CMIP: variants seen among roughly 807,000 people sequenced by gnomAD.
CMIP encodes the protein C-Maf-inducing protein.
A neutral mutation model predicts 97.3 loss-of-function variants in CMIP; 13 were observed. The ratio of observed to expected loss-of-function variants is 0.13; its 90% CI spans 0.09 to 0.21. The LOEUF is 0.21. Among genes scored for constraint, CMIP ranks in the 10% least tolerant of loss-of-function variants. The pLI is 1.00. For missense variants in CMIP, 847 were observed against 1,024.9 expected (o/e 0.83, Z 2.37); for synonymous variants, 538 against 436.3 (o/e 1.23, Z -2.91).
At chr16:81,664,742 A>G (rs1005406663) in intron 7 of CMIP, 1 of 391,228 alleles carries the variant, frequency 2.6e-6, no homozygotes, top group Non-Finnish European at 4.5e-6. Context: ...AGGGGGCAGG[A>G]GTAGCCTTGC....
chr16:81,471,133 A>G (rs145023304), intron 1 of CMIP, among the ~76,000 whole-genome samples: 1 of 152,364 alleles, frequency 6.6e-6, no homozygotes, highest in Non-Finnish European at 1.5e-5. Context: ...ATATACACAT[A>G]TACATGCATA....
At chr16:81,502,916 T>C (rs751300631) in intron 1 of CMIP, among the ~76,000 whole-genome samples, 51 of 152,296 alleles carry the variant, frequency 3.3e-4, no homozygotes, top group Admixed American at 9.1e-4. Context: ...CAATGCCGGG[T>C]AATCACTTTG....
chr16:81,697,636 A>T (rs917034951), intron 14 of CMIP: 1 of 152,164 alleles, frequency 6.6e-6, no homozygotes, highest in African/African-American at 2.4e-5. Flanking sequence ...GCAACAGTAG[A>T]TGCACGGCGC....
chr16:81,617,724 A>G (rs1052743291), intron 2 of CMIP, among the ~76,000 whole-genome samples: 1 of 152,134 alleles, frequency 6.6e-6, no homozygotes, highest in African/African-American at 2.4e-5. Context: ...GGCACTGCTC[A>G]CCTAGCTGTG....
intron 3 of CMIP, among the ~76,000 whole-genome samples, chr16:81,641,902 A>C (rs1366615332): frequency 6.6e-6 from 1 of 152,224 alleles, no homozygotes; most frequent in Non-Finnish European, 1.5e-5. Flanking sequence ...GGTGCTCAGG[A>C]TCCAGAGCTA....
At chr16:81,573,809 G>C (rs2091139542) in intron 1 of CMIP, among the ~76,000 whole-genome samples, 1 of 152,226 alleles carries the variant, frequency 6.6e-6, no homozygotes, top group African/African-American at 2.4e-5. Flanking sequence ...AGTTAAGTGA[G>C]TTAATGTGCT....
intron 1 of CMIP, among the ~76,000 whole-genome samples, chr16:81,598,661 C>T (rs1227629457): frequency 1.3e-5 from 2 of 152,132 alleles, no homozygotes; most frequent in East Asian, 3.9e-4. Context: ...TTTCACAGGC[C>T]ACAACAGAAG....
chr16:81,599,748 G>T (rs541039094), intron 1 of CMIP, among the ~76,000 whole-genome samples: 2 of 152,182 alleles, frequency 1.3e-5, no homozygotes, highest in South Asian at 4.1e-4. Context: ...GACATCCCCT[G>T]CTCTGTGCCT....
At chr16:81,637,018 G>A (rs2092245849) in intron 3 of CMIP, among the ~76,000 whole-genome samples, 1 of 152,088 alleles carries the variant, frequency 6.6e-6, no homozygotes, top group African/African-American at 2.4e-5. Context: ...GCACTGTGGG[G>A]GCCACAGTGT....
At chr16:81,675,145 C>T (rs1904288278) in intron 9 of CMIP, among the ~76,000 whole-genome samples, 1 of 152,098 alleles carries the variant, frequency 6.6e-6, no homozygotes, top group South Asian at 2.1e-4. Flanking sequence ...GGGAGAGAAC[C>T]ACATGGAAAG....
chr16:81,625,297 C>G (rs1008952028), intron 3 of CMIP, among the ~76,000 whole-genome samples: 6 of 152,282 alleles, frequency 3.9e-5, no homozygotes, highest in African/African-American at 1.4e-4. Flanking sequence ...CTGAGGGCCC[C>G]TGGGGAGGCC....
chr16:81,611,345 C>T (rs536350925), intron 2 of CMIP: 1 of 152,326 alleles, frequency 6.6e-6, no homozygotes, highest in African/African-American at 2.4e-5. Context: ...GCTCTTCGAT[C>T]TTGCAGTCTG....
At chr16:81,471,290 A>G (rs1181201721) in intron 1 of CMIP, among the ~76,000 whole-genome samples, 1 of 152,254 alleles carries the variant, frequency 6.6e-6, no homozygotes, top group Non-Finnish European at 1.5e-5. Flanking sequence ...CACAGGCACA[A>G]TATATGCATA....
chr16:81,709,552 G>A (rs910377438), intron 20 of CMIP, among the ~76,000 whole-genome samples, 194 bp from the exon 21 acceptor site: 27 of 152,202 alleles, frequency 1.8e-4, no homozygotes, highest in African/African-American at 6.3e-4. Context: ...TTTCTCCGGG[G>A]CCAGGGCACA....
At chr16:81,691,581 C>T (rs1906081507) in intron 10 of CMIP, 194 bp from the exon 11 acceptor site, 1 of 621,542 alleles carries the variant, frequency 1.6e-6, no homozygotes, top group African/African-American at 1.8e-5. Context: ...CTGCACAGGC[C>T]CAGTTGTGAG....
At chr16:81,467,936 G>A (rs1443964168) in intron 1 of CMIP, among the ~76,000 whole-genome samples, 4 of 148,732 alleles carry the variant, frequency 2.7e-5, no homozygotes, top group Non-Finnish European at 3.0e-5. Context: ...TCCCAGGCTG[G>A]AGTACGGTGA....
chr16:81,500,478 C>T (rs1383719021), intron 1 of CMIP, among the ~76,000 whole-genome samples: 2 of 136,688 alleles, frequency 1.5e-5, no homozygotes, highest in East Asian at 4.5e-4. Flanking sequence ...TTTCCTCCCC[C>T]TTTTCTTTCT....
chr16:81,654,231 T>TTTATTATTATTA lies in CMIP; in HGVS notation c.639+1880_639+1891dup, dbSNP rs58919554. 1.7e-3 allele frequency among the ~76,000 whole-genome samples: 249 copies of TTTATTATTATTA among 150,820 alleles called. 1 individual carries two copies. Among genetic ancestry groups the TTTATTATTATTA allele is most frequent in the African/African-American group, 5.6e-3 (229 of 40,700 alleles). ...TTGGCCTTCACATCCCTCCTTGGGCTTTATTATTATTATTATTATTATTAA... is the reference window on the plus strand; with the variant it reads ...TTGGCCTTCACATCCCTCCTTGGGCTTTATTATTATTATTATTATTATTATTATTATTATTAA... On this transcript the variant is annotated intron_variant, in intron 4 of 20. Coordinates refer to ENST00000537098, the MANE Select transcript of CMIP (RefSeq NM_198390.3).
chr16:81,458,674 C>A (rs1906711184), intron 1 of CMIP, among the ~76,000 whole-genome samples: 1 of 152,162 alleles, frequency 6.6e-6, no homozygotes, highest in South Asian at 2.1e-4. Context: ...CCAGGTCAGT[C>A]CTTCCCTAAA....
Sources: allele counts gnomAD v4.1 joint callset (sites outside exome capture counted in the v4.1 genomes callset), GRCh38; gene constraint gnomAD v4.1.1; transcripts MANE v1.5; gene names NCBI Gene and HGNC (gene_info 2026-07-23, HGNC 2026-07-21).